Variants in PCDHA4 observed in about 807,000 individuals in gnomAD.
PCDHA4 encodes protocadherin alpha-4.
In PCDHA4, 49 loss-of-function variants were observed where a neutral mutation model predicts 61.4. The observed-to-expected ratio is 0.80, with a 90% CI of 0.63 to 1.01. The LOEUF (loss-of-function observed/expected upper bound fraction) is 1.01, where lower values mean the gene tolerates loss of function less well. PCDHA4 is among the 50% of genes least tolerant of loss of function. The pLI is 0.00. For synonymous variants in PCDHA4, 590 were observed against 550.3 expected, an observed-to-expected ratio of 1.07 and a Z score of -1.01; for missense variants, 1,254 against 1,235.8, an observed-to-expected ratio of 1.01 and a Z score of -0.22.
chr5:140,875,151 A>G (rs1219163731), intron 1 of PCDHA4, among the ~76,000 whole-genome samples: 1 of 152,220 alleles, frequency 6.6e-6, no homozygotes, highest in Non-Finnish European at 1.5e-5. Flanking sequence ...ATGATCCGTG[A>G]AAAATAACCC....
chr5:140,877,680 G>A, intron 1 of PCDHA4: 1 of 1,613,738 alleles, frequency 6.2e-7, no homozygotes, highest in Non-Finnish European at 8.5e-7. Flanking sequence ...CGCCGGGCAA[G>A]CCCACGCTGG....
At position 140,853,586 on chromosome 5, in the gene PCDHA4, A is replaced by T; in HGVS notation, c.2385+44014A>T. 4 of 985,384 alleles carry T rather than the reference A, an allele frequency of 4.1e-6. 1 individual carries two copies. Among genetic ancestry groups the T allele is most frequent in the Non-Finnish European group, 4.9e-6 (4 of 817,556 alleles). 61.0% of individuals were successfully genotyped at this position (985,384 alleles called of 1,614,324 possible). ...ACTAAGTTGTCACCCAATATCTTAG[A>T]CACTTTGAGAGCAAAGGGGGTGCTG... is the stretch of plus-strand genomic sequence containing the variant. On this transcript the variant is annotated intron_variant, in intron 1 of 3. Transcript: ENST00000530339.
intron 1 of PCDHA4, among the ~76,000 whole-genome samples, chr5:140,909,874 T>G (rs778631778): frequency 2.6e-4 from 39 of 152,184 alleles, no homozygotes; most frequent in Admixed American, 5.2e-4. Context: ...CAACGTCAGC[T>G]TAGAGACACT....
intron 1 of PCDHA4, chr5:140,827,943 A>G (rs1212909516): frequency 3.0e-5 from 36 of 1,183,776 alleles, no homozygotes; most frequent in Non-Finnish European, 3.8e-5. Context: ...TAGCTAGCCA[A>G]CATTCAAATT....
chr5:140,860,972 C>G (rs539931081), intron 1 of PCDHA4: 1 of 152,196 alleles, frequency 6.6e-6, no homozygotes, highest in Non-Finnish European at 1.5e-5. Context: ...CTCCTGACCT[C>G]GTGATCCACC....
At chr5:140,940,080 T>C (rs1213223425) in intron 1 of PCDHA4, among the ~76,000 whole-genome samples, 3 of 152,248 alleles carry the variant, frequency 2.0e-5, no homozygotes, top group African/African-American at 7.2e-5. Flanking sequence ...GATATCTTTC[T>C]GCTAAATTGA....
chr5:140,887,446 C>T (rs554116341), intron 1 of PCDHA4, among the ~76,000 whole-genome samples: 1 of 152,170 alleles, frequency 6.6e-6, no homozygotes, highest in East Asian at 1.9e-4. Flanking sequence ...GCATAGTTGA[C>T]AGTTTTTTAA....
chr5:140,919,505 CTA>C (rs2079156587), intron 1 of PCDHA4, among the ~76,000 whole-genome samples: 3 of 152,008 alleles, frequency 2.0e-5, no homozygotes, highest in Admixed American at 6.6e-5. Context: ...ACTCCTTTTT[CTA>C]TATGTTTTAA....
At chr5:140,828,402 T>C (rs1554131287) in intron 1 of PCDHA4, 3 of 1,614,248 alleles carry the variant, frequency 1.9e-6, no homozygotes, top group Non-Finnish European at 2.5e-6. Context: ...GAGTGCAGCA[T>C]CCACCTGGAG....
At position 140,807,404 on chromosome 5, in the gene PCDHA4, G is replaced by A. The variant is rs201303975; in HGVS notation, c.217G>A (p.Gly73Ser). ...LFRVASKGRG[G>S]LLEVNLQNGI... ...CCGGGTGGCGTCCAAGGGCCGCGGA[G>A]GCCTTCTGGAGGTAAATCTGCAGAA... Residue 73 changes from glycine to serine, a missense_variant, in exon 1 of 4, where the codon GGC becomes AGC. Coordinates refer to ENST00000530339, the MANE Select transcript of PCDHA4 (RefSeq NM_018907.4). 2 of 737,044 alleles carry A rather than the reference G, an allele frequency of 2.7e-6. 1 individual carries two copies. The highest frequency in any genetic ancestry group is 5.5e-5 in the South Asian group (2 of 36,322). The allele number at this position is 737,044 out of a possible 1,614,324, so 45.7% of individuals were successfully genotyped here. A position where few individuals can be genotyped will look rare whatever the true frequency, so the allele number is the denominator to read the frequency against.
At position 140,809,161 on chromosome 5, in the gene PCDHA4, G is replaced by C. The variant is rs782214418; in HGVS notation, c.1974G>C (p.Ala658=). Residue 658 remains alanine, a synonymous_variant, in exon 1 of 4, where the codon GCG becomes GCC. Coordinates refer to ENST00000530339, the MANE Select transcript of PCDHA4 (RefSeq NM_018907.4). The stretch of plus-strand genomic sequence containing the variant: ...TGGTGAAGGACCACGGCGAGCCCGC[G>C]CTGACGGCCACGGCCACTGTGCTGG... The part of the protein sequence containing the change: ...LVLVKDHGEP[A]LTATATVLVS... The C allele has an allele frequency of 6.2e-7, 1 of 1,613,954 alleles. No homozygotes were observed.
At chr5:140,823,217 C>T (rs1554129201) in intron 1 of PCDHA4, 1 of 1,613,776 alleles carries the variant, frequency 6.2e-7, no homozygotes, top group Non-Finnish European at 8.5e-7. Flanking sequence ...GCACGGGACG[C>T]GGACGCGCAG....
At chr5:140,865,628 G>A (rs2048940891) in intron 1 of PCDHA4, 1 of 152,162 alleles carries the variant, frequency 6.6e-6, no homozygotes, top group African/African-American at 2.4e-5. Flanking sequence ...TAGACATCAT[G>A]AAGGGACTTA....
At chr5:140,980,409 A>C (rs782265012) in intron 2 of PCDHA4, among the ~76,000 whole-genome samples, 3 of 152,188 alleles carry the variant, frequency 2.0e-5, no homozygotes, top group Non-Finnish European at 4.4e-5. Flanking sequence ...AGGTGGGCAG[A>C]TCATGAGGTC....
At chr5:140,883,021 G>A in intron 1 of PCDHA4, 1 of 1,614,136 alleles carries the variant, frequency 6.2e-7, no homozygotes, top group Non-Finnish European at 8.5e-7. Flanking sequence ...AAGTGACGGT[G>A]TTAGAGAACG....
rs942791264 is a variant in PCDHA4 at position 140,808,294 on chromosome 5, C to G, written c.1107C>G (p.Ile369Met). The G allele has an allele frequency of 8.1e-6, 13 of 1,614,156 alleles. No homozygotes were observed. Among genetic ancestry groups the G allele is most frequent in the Middle Eastern group, 3.3e-4 (2 of 6,082 alleles). ...AGGACGCTCCACTGGGTACAGTCAT[C>G]GCCCTGATCAGCGTGTCCGACAAAG... ...IREDAPLGTV[I>M]ALISVSDKDM... Residue 369 changes from isoleucine to methionine, a missense_variant, in exon 1 of 4, where the codon ATC (isoleucine) becomes ATG (methionine). Physicochemically the swap from Ile to Met is conservative, Grantham distance 10. Transcript: ENST00000530339.
chr5:140,808,804 T>C lies in PCDHA4; in HGVS notation c.1617T>C (p.Asp539=), dbSNP rs1326452473. Residue 539 remains aspartate (D), a synonymous_variant, in exon 1 of 4, where the codon GAT becomes GAC. Transcript: ENST00000530339. ...TGCAGTTTCAGGTGACCGCTCGCGA[T>C]GCCGGCGTGCCACCTCTGGGCAGCA... The part of the protein sequence containing the change: ...ELLQFQVTAR[D]AGVPPLGSNV... 3.1e-6 allele frequency: 5 copies of C among 1,612,572 alleles called. No homozygotes were observed. Among genetic ancestry groups the C allele is most frequent in the Admixed American group, 3.3e-5 (2 of 59,996 alleles).
At chr5:140,897,915 T>C (rs2066399470) in intron 1 of PCDHA4, among the ~76,000 whole-genome samples, 1 of 152,246 alleles carries the variant, frequency 6.6e-6, no homozygotes. Context: ...ATTGTGGTTT[T>C]GATTTGCGTT....
chr5:140,831,691 CA>C (rs1278629646), intron 1 of PCDHA4, among the ~76,000 whole-genome samples: 1 of 152,020 alleles, frequency 6.6e-6, no homozygotes, highest in Non-Finnish European at 1.5e-5. Context: ...TGAAAAGCAG[CA>C]AAAAGTAGTG....
Sources: allele counts gnomAD v4.1 joint callset (sites outside exome capture counted in the v4.1 genomes callset), GRCh38; gene constraint gnomAD v4.1.1; transcripts MANE v1.5; gene names NCBI Gene and HGNC (gene_info 2026-07-23, HGNC 2026-07-21).